RERE: variants seen among roughly 807,000 people sequenced by gnomAD.
RERE encodes arginine-glutamic acid dipeptide repeats.
Under a neutral mutation model 146.1 loss-of-function variants are expected in RERE, and 40 were observed. The observed-to-expected ratio is 0.27, with a 90% confidence interval of 0.21 to 0.36. RERE has a LOEUF of 0.36. Ranked by LOEUF, RERE falls within the 10% of genes least tolerant of loss-of-function variation. The probability of loss-of-function intolerance (pLI) is 1.00; values close to 1 mark genes in which losing one functional copy is unlikely to be tolerated. For synonymous variants in RERE, 1,003 were observed against 866.0 expected (o/e 1.16, Z -2.78); for missense variants, 1,933 against 2,138.7 (o/e 0.90, Z 1.90).
intron 10 of RERE, among the ~76,000 whole-genome samples, chr1:8,494,234 G>A (rs927649296): frequency 6.6e-6 from 1 of 152,058 alleles, no homozygotes; most frequent in East Asian, 1.9e-4. Flanking sequence ...ATGTTCCAAA[G>A]TATACTTTAT....
intron 4 of RERE, among the ~76,000 whole-genome samples, chr1:8,599,463 A>G (rs1054771621): frequency 1.3e-5 from 2 of 152,236 alleles, no homozygotes; most frequent in African/African-American, 4.8e-5. Flanking sequence ...ATGAGGAAAA[A>G]CAAGGTTAAA....
At chr1:8,403,825 CTTTTTTTTTT>C (rs869295197) in intron 12 of RERE, among the ~76,000 whole-genome samples, 1 of 70,854 alleles carries the variant, frequency 1.4e-5, no homozygotes, top group African/African-American at 5.9e-5. Flanking sequence ...AAAATCTTAG[CTTTTTTTTTT>C]TTTTTTTTTT....
At chr1:8,427,455 T>C (rs17032553) in intron 11 of RERE, among the ~76,000 whole-genome samples, 4,600 of 152,100 alleles carry the variant, frequency 0.03, 243 homozygotes, top group African/African-American at 0.11. Context: ...CTGGTATTTC[T>C]AAGACTAAAT....
In RERE at chr1:8,358,531, T is replaced by C; in HGVS notation, c.4004A>G (p.Asp1335Gly). The change falls in exon 20 of 23, where the codon GAC becomes GGC. Residue 1335 changes from aspartate to glycine, a missense_variant. This residue lies in a region of RERE where 1,255 missense variants were observed against 1,153.8 expected (regional missense o/e 1.09). Coordinates refer to ENST00000400908, the MANE Select transcript of RERE (RefSeq NM_001042681.2). ...GGGGTTGGCGGCTGGGTGCAGGGGG[T>C]CCAGCTCTGGGGGCTTCACCTCGAA... ...PGFEVKPPEL[D>G]PLHPAANPME... 1 of 1,600,098 alleles carries C rather than the reference T, an allele frequency of 6.2e-7. No individual in the cohort carries two copies. The highest frequency in any genetic ancestry group is 8.5e-7 in the Non-Finnish European group (1 of 1,174,164).
chr1:8,405,986 A>AG (rs1180619142), intron 12 of RERE, among the ~76,000 whole-genome samples: 5 of 152,104 alleles, frequency 3.3e-5, no homozygotes, highest in Non-Finnish European at 7.4e-5. Context: ...GGGGAAAAAA[A>AG]TTACTAAAAA....
chr1:8,463,884 GA>G (rs1644560184), intron 11 of RERE, among the ~76,000 whole-genome samples: 1 of 152,228 alleles, frequency 6.6e-6, no homozygotes, highest in African/African-American at 2.4e-5. Context: ...GAGGACTGAA[GA>G]CAATCTCACA....
intron 1 of RERE, among the ~76,000 whole-genome samples, chr1:8,691,533 C>T (rs892365028): frequency 6.6e-6 from 1 of 152,086 alleles, no homozygotes; most frequent in Non-Finnish European, 1.5e-5. Context: ...CTAGGGCTCA[C>T]CAGAATAGGA....
At chr1:8,708,333 C>A (rs1001793441) in intron 1 of RERE, among the ~76,000 whole-genome samples, 1 of 151,928 alleles carries the variant, frequency 6.6e-6, no homozygotes, top group Admixed American at 6.6e-5. Context: ...TGTTTTGAGG[C>A]GGAGTCTCAC....
At chr1:8,745,358 C>A (rs117651441) in intron 1 of RERE, among the ~76,000 whole-genome samples, 2 of 152,304 alleles carry the variant, frequency 1.3e-5, no homozygotes, top group East Asian at 3.9e-4. Context: ...AACCTCTTTT[C>A]TTTATAAATT....
At chr1:8,490,162 A>T (rs1644961325) in intron 10 of RERE, among the ~76,000 whole-genome samples, 1 of 151,894 alleles carries the variant, frequency 6.6e-6, no homozygotes, top group African/African-American at 2.4e-5. Context: ...AGAGGTCAAG[A>T]CCATCCTGGC....
chr1:8,618,332 T>C (rs1186572609), intron 3 of RERE, among the ~76,000 whole-genome samples: 3 of 152,156 alleles, frequency 2.0e-5, no homozygotes, highest in African/African-American at 7.2e-5. Flanking sequence ...GAGGCTTAAG[T>C]GTATTTCCTA....
chr1:8,456,712 T>C (rs1644457136), intron 11 of RERE, among the ~76,000 whole-genome samples: 1 of 152,180 alleles, frequency 6.6e-6, no homozygotes, highest in Non-Finnish European at 1.5e-5. Context: ...GCATCTTTGC[T>C]CTTCCTGGAA....
chr1:8,506,113 G>T (rs977321311), intron 8 of RERE, among the ~76,000 whole-genome samples: 1 of 152,130 alleles, frequency 6.6e-6, no homozygotes, highest in Non-Finnish European at 1.5e-5. Context: ...CAAGACACTG[G>T]AAATACACAG....
intron 10 of RERE, among the ~76,000 whole-genome samples, chr1:8,468,901 A>T (rs748736131): frequency 8.2e-5 from 10 of 121,478 alleles, no homozygotes; most frequent in African/African-American, 2.6e-4. Flanking sequence ...TGCCTCCAAT[A>T]AAAAAAAAAA....
intron 10 of RERE, among the ~76,000 whole-genome samples, chr1:8,489,169 C>T (rs1644943150): frequency 6.6e-6 from 1 of 151,694 alleles, no homozygotes; most frequent in Non-Finnish European, 1.5e-5. Flanking sequence ...CATAGTGAGG[C>T]CCTGTCACTA....
intron 11 of RERE, among the ~76,000 whole-genome samples, chr1:8,458,477 C>T (rs1644481458): frequency 6.6e-6 from 1 of 152,142 alleles, no homozygotes; most frequent in Non-Finnish European, 1.5e-5. Flanking sequence ...TTATCCCAAG[C>T]AGCCAGGAGT....
chr1:8,388,196 C>T (rs1336211211), intron 12 of RERE, among the ~76,000 whole-genome samples: 1 of 152,042 alleles, frequency 6.6e-6, no homozygotes, highest in African/African-American at 2.4e-5. Context: ...TGTAGCAATA[C>T]ACATATATGA....
In RERE at chr1:8,675,707, G is replaced by C. The variant is rs1638822979; in HGVS notation, c.-144-19266C>G. On this transcript the variant is annotated intron_variant, in intron 1 of 22. Coordinates refer to ENST00000400908, the MANE Select transcript of RERE (RefSeq NM_001042681.2). The stretch of plus-strand genomic sequence containing the variant: ...CACTGCACTCCAGCCTGGGCGACAA[G>C]AGCGAAACTCCGACTCAAAATACAT... Among the ~76,000 whole-genome samples the C allele has an allele frequency of 2.6e-5, 4 of 151,480 alleles. No individual in the cohort carries two copies. In the South Asian group the frequency reaches 8.3e-4, roughly 32 times the overall value.
At chr1:8,667,204 A>G (rs1321213235) in intron 1 of RERE, among the ~76,000 whole-genome samples, 1 of 152,244 alleles carries the variant, frequency 6.6e-6, no homozygotes, top group East Asian at 1.9e-4. Context: ...ACACAAGACC[A>G]CTGCAGAGGG....
Sources: gnomAD v4.1 joint callset for allele counts (sites outside exome capture counted in the v4.1 genomes callset) on GRCh38, gnomAD v4.1.1 for gene constraint, gnomAD v4.1.1 regional missense constraint, MANE v1.5 for transcripts, NCBI Gene and HGNC (gene_info 2026-07-23, HGNC 2026-07-21) for gene names.